AGPAT2: variants seen among roughly 807,000 people sequenced by gnomAD.
AGPAT2 encodes the protein 1-acylglycerol-3-phosphate O-acyltransferase 2.
Under a neutral mutation model 26.1 loss-of-function variants are expected in AGPAT2, and 18 were observed. The observed-to-expected ratio is 0.69, with a 90% CI of 0.48 to 1.02. The LOEUF (loss-of-function observed/expected upper bound fraction) is 1.02. AGPAT2 is among the 50% of genes least tolerant of loss of function. AGPAT2 has a pLI of 0.00. For synonymous variants in AGPAT2, 200 were observed against 174.2 expected (o/e 1.15, Z -1.16); for missense variants, 415 against 394.9 (o/e 1.05, Z -0.43).
intron 1 of AGPAT2, among the ~76,000 whole-genome samples, chr9:136,677,947 G>T (rs574538127): frequency 7.2e-5 from 11 of 152,210 alleles, no homozygotes; most frequent in Non-Finnish European, 1.2e-4. Context: ...GTCGGGGAGA[G>T]CAGCCTCTGC....
At chr9:136,685,176 T>C (rs1846206798) in intron 1 of AGPAT2, among the ~76,000 whole-genome samples, 1 of 152,230 alleles carries the variant, frequency 6.6e-6, no homozygotes, top group African/African-American at 2.4e-5. Context: ...ACAAAGCACC[T>C]GCTGTTAGTA....
intron 1 of AGPAT2, among the ~76,000 whole-genome samples, chr9:136,678,478 T>C (rs1334270362): frequency 6.6e-6 from 1 of 152,162 alleles, no homozygotes; most frequent in Non-Finnish European, 1.5e-5. Context: ...CCGGCGGGGA[T>C]GGAGCCAGGA....
At position 136,677,527 on chromosome 9, in the gene AGPAT2, T is replaced by A; in HGVS notation, c.212A>T (p.Lys71Met). 6.2e-7 allele frequency: 1 copy of A among 1,612,896 alleles called. No individual in the cohort carries two copies. Among genetic ancestry groups the A allele is most frequent in the African/African-American group, 1.3e-5 (1 of 75,056 alleles). Residue 71 changes from lysine (K) to methionine (M), a missense_variant, in exon 2 of 6, where the codon AAG (lysine) becomes ATG (methionine). Coordinates refer to ENST00000371696, the MANE Select transcript of AGPAT2 (RefSeq NM_006412.4). ...SIIGWFVRSFKYFYGLRFEVR... is the reference protein window; with the variant it reads ...SIIGWFVRSFMYFYGLRFEVR... Reference sequence around the variant, plus strand: ...CTCGAAGCGGAGCCCGTAAAAGTACTTGAAGCTTCGCACGAACCAGCCGAT... The same window carrying A: ...CTCGAAGCGGAGCCCGTAAAAGTACATGAAGCTTCGCACGAACCAGCCGAT...
At position 136,673,614 on chromosome 9, in the gene AGPAT2, TC is replaced by T; in HGVS notation, c.*137del. 8 of 1,010,898 alleles carry T rather than the reference TC, an allele frequency of 7.9e-6. No homozygotes were observed. Among genetic ancestry groups the T allele is most frequent in the Non-Finnish European group, 1.1e-5 (8 of 731,154 alleles). 62.6% of individuals were successfully genotyped at this position (1,010,898 alleles called of 1,614,324 possible). A position where few individuals can be genotyped will look rare whatever the true frequency, so the allele number is the denominator to read the frequency against. On this transcript the variant is annotated 3_prime_UTR_variant, in exon 6 of 6. Coordinates refer to ENST00000371696, the MANE Select transcript of AGPAT2 (RefSeq NM_006412.4). Reference sequence around the variant, plus strand: ...TCTGAGGCCAGTGACAGAAGGGGCTTCCTGCTTCCCGGGCTGAGTGAGAGCT... The same window carrying T: ...TCTGAGGCCAGTGACAGAAGGGGCTTCTGCTTCCCGGGCTGAGTGAGAGCT...
At chr9:136,675,188 G>C (rs1221888181) in intron 4 of AGPAT2, among the ~76,000 whole-genome samples, 1 of 152,166 alleles carries the variant, frequency 6.6e-6, no homozygotes, top group African/African-American at 2.4e-5. Flanking sequence ...CTCCATCTCA[G>C]GAAGCCAGTG....
In AGPAT2 at chr9:136,673,670, G is replaced by T; in HGVS notation, c.*82C>A. The T allele has an allele frequency of 6.4e-6, 9 of 1,401,612 alleles. No homozygotes were observed. The highest frequency in any genetic ancestry group is 7.6e-6 in the Non-Finnish European group (8 of 1,050,780). The allele number at this position is 1,401,612 out of a possible 1,614,324, so 86.8% of individuals were successfully genotyped here. A position where few individuals can be genotyped will look rare whatever the true frequency, so the allele number is the denominator to read the frequency against. On this transcript the variant is annotated 3_prime_UTR_variant, in exon 6 of 6. Transcript: ENST00000371696. Reference sequence around the variant, plus strand: ...GAGCCGGACAGAGTGGTATTTGGAAGCCGGGAGGAGTCCCCTCTGCCCATC... The same window carrying T: ...GAGCCGGACAGAGTGGTATTTGGAATCCGGGAGGAGTCCCCTCTGCCCATC...
chr9:136,687,345 G>T lies in AGPAT2; in HGVS notation c.13C>A (p.Pro5Thr). The T allele has an allele frequency of 6.5e-7, 1 of 1,541,970 alleles. No individual in the cohort carries two copies. The change falls in exon 1 of 6, where the codon CCG becomes ACG. Residue 5 changes from proline to threonine, a missense_variant. Coordinates refer to ENST00000371696, the MANE Select transcript of AGPAT2 (RefSeq NM_006412.4). MELW[P>T]CLAAALLLLL... ...AACAGCAGCGCCGCGGCCAGACACG[G>T]CCACAGCTCCATGGCCCGGCCCGGC...
chr9:136,676,867 GT>G, intron 3 of AGPAT2, 93 bp downstream of exon 3: 1 of 1,495,992 alleles, frequency 6.7e-7, no homozygotes, highest in East Asian at 2.4e-5. Context: ...TGGGGGTCTT[GT>G]TTTTTCTGCC....
intron 1 of AGPAT2, among the ~76,000 whole-genome samples, chr9:136,683,763 C>T (rs190698109): frequency 6.6e-6 from 1 of 152,314 alleles, no homozygotes; most frequent in African/African-American, 2.4e-5. Flanking sequence ...TGCACAGAGA[C>T]ACCTGGAGCG....
At chr9:136,679,229 CCT>C (rs774046132) in intron 1 of AGPAT2, among the ~76,000 whole-genome samples, 25 of 152,316 alleles carry the variant, frequency 1.6e-4, no homozygotes, top group Middle Eastern at 3.4e-3. Context: ...GACACAAACC[CCT>C]GTCCCCTCCC....
rs776811851 is a variant in AGPAT2, at chr9:136,676,573, G to T, written c.588+12C>A. On this transcript the variant is annotated intron_variant, in intron 4 of 5. Coordinates refer to ENST00000371696, the MANE Select transcript of AGPAT2 (RefSeq NM_006412.4). ...GCCTGCACCCACCCAGGGAGGGCTG[G>T]GCTCAGCCTACCTGTGCCTGGACTG... The T allele has an allele frequency of 2.3e-5, 37 of 1,610,644 alleles. No homozygotes were observed. The highest frequency in any genetic ancestry group is 3.1e-5 in the Non-Finnish European group (37 of 1,178,262).
chr9:136,684,223 G>T (rs1330661067), intron 1 of AGPAT2, among the ~76,000 whole-genome samples: 1 of 152,242 alleles, frequency 6.6e-6, no homozygotes, highest in East Asian at 1.9e-4. Flanking sequence ...AAACTTCTCT[G>T]TGGATTAAGC....
chr9:136,686,076 A>C (rs150656943), intron 1 of AGPAT2, among the ~76,000 whole-genome samples: 1 of 152,236 alleles, frequency 6.6e-6, no homozygotes, highest in African/African-American at 2.4e-5. Flanking sequence ...CTCCATGCTC[A>C]CCATCAGGCC....
chr9:136,682,688 G>A (rs1025795889), intron 1 of AGPAT2, among the ~76,000 whole-genome samples: 5 of 152,212 alleles, frequency 3.3e-5, no homozygotes, highest in South Asian at 2.1e-4. Context: ...TGGTGGCATC[G>A]GAGCAGTGGG....
At chr9:136,679,464 T>C (rs1846133780) in intron 1 of AGPAT2, among the ~76,000 whole-genome samples, 1 of 151,884 alleles carries the variant, frequency 6.6e-6, no homozygotes, top group South Asian at 2.1e-4. Flanking sequence ...ATATCTCCTC[T>C]CCAGGCCGCG....
intron 2 of AGPAT2, 87 bp from the exon 3 acceptor site, chr9:136,677,223 G>A: frequency 6.5e-7 from 1 of 1,540,572 alleles, no homozygotes; most frequent in East Asian, 2.3e-5. Flanking sequence ...GGCCTGCCTG[G>A]CACCCTGCCT....
chr9:136,679,573 C>A (rs965574937), intron 1 of AGPAT2, among the ~76,000 whole-genome samples: 1 of 152,188 alleles, frequency 6.6e-6, no homozygotes, highest in Admixed American at 6.5e-5. Context: ...CACTCATTTG[C>A]GCAATCCAGC....
rs1194107841 is a variant in AGPAT2 at position 136,677,491 on chromosome 9, G to A, written c.248C>T (p.Pro83Leu). 24 of 1,612,962 alleles carry A rather than the reference G, an allele frequency of 1.5e-5. No individual in the cohort carries two copies. The highest frequency in any genetic ancestry group is 2.2e-5 in the East Asian group (1 of 44,892). ...GGGACGGGCCTCCTGCAGCCTGCGCGGGTCCCGCACCTCGAAGCGGAGCCC... is the reference window on the plus strand; with the variant it reads ...GGGACGGGCCTCCTGCAGCCTGCGCAGGTCCCGCACCTCGAAGCGGAGCCC... ...FYGLRFEVRD[P>L]RRLQEARPCV... The change falls in exon 2 of 6, where the codon CCG (proline) becomes CTG (leucine). Residue 83 changes from proline to leucine, a missense_variant. By Grantham distance (98) the Pro-to-Leu change is moderately conservative (BLOSUM62 -3). Coordinates refer to ENST00000371696, the MANE Select transcript of AGPAT2 (RefSeq NM_006412.4).
rs1846090591 is a variant in AGPAT2 at position 136,676,437 on chromosome 9, G to A, written c.588+148C>T. ...GGTCAGGGGGCAAGTGCAGGAAGGGGCAAGGAGGCCCTGTCCCCAACTCAG... is the reference window on the plus strand; with the variant it reads ...GGTCAGGGGGCAAGTGCAGGAAGGGACAAGGAGGCCCTGTCCCCAACTCAG... On this transcript the variant is annotated intron_variant, in intron 4 of 5. Coordinates refer to ENST00000371696, the MANE Select transcript of AGPAT2 (RefSeq NM_006412.4). 6.1e-6 allele frequency: 4 copies of A among 651,424 alleles called. No individual in the cohort carries two copies. In the Admixed American group the frequency reaches 6.7e-5, roughly 11 times the overall value. 40.4% of individuals were successfully genotyped at this position (651,424 alleles called of 1,614,324 possible).
Sources: allele counts gnomAD v4.1 joint callset (sites outside exome capture counted in the v4.1 genomes callset), GRCh38; gene constraint gnomAD v4.1.1; transcripts MANE v1.5; gene names NCBI Gene and HGNC (gene_info 2026-07-23, HGNC 2026-07-21).